LARGE1: variants seen among roughly 807,000 people sequenced by gnomAD.
LARGE1 encodes the protein LARGE xylosyl- and glucuronyltransferase 1.
A neutral mutation model predicts 87.6 loss-of-function variants in LARGE1; 43 were observed. The ratio of observed to expected loss-of-function variants is 0.49; its 90% confidence interval spans 0.38 to 0.63. The LOEUF is 0.63. Among genes scored for constraint, LARGE1 ranks in the 30% least tolerant of loss-of-function variants. The pLI, the probability that LARGE1 is intolerant of heterozygous loss-of-function variation, is 0.00. For synonymous variants in LARGE1, 434 were observed against 394.6 expected (o/e 1.10, Z -1.18); for missense variants, 802 against 1,000.2 (o/e 0.80, Z 2.67).
intron 7 of LARGE1, among the ~76,000 whole-genome samples, chr22:33,385,656 ACTAT>A (rs1483422797): frequency 1.4e-5 from 2 of 148,092 alleles, no homozygotes; most frequent in Non-Finnish European, 3.0e-5. Flanking sequence ...CTGAGAAGCA[ACTAT>A]CTACCATCAG....
chr22:33,304,285 G>A lies in LARGE1; in HGVS notation c.1674C>T (p.Tyr558=). Residue 558 remains tyrosine (Y), a synonymous_variant, in exon 12 of 15, where the codon TAC becomes TAT. Coordinates refer to ENST00000397394, the MANE Select transcript of LARGE1 (RefSeq NM_133642.5). ...GGAAGTCAATGTCAGACAGGAACATGTAGGGAGTGCTGATGTGCTTCATGG... is the reference window on the plus strand; with the variant it reads ...GGAAGTCAATGTCAGACAGGAACATATAGGGAGTGCTGATGTGCTTCATGG... The part of the protein sequence containing the change: ...NVAMKHISTP[Y]MFLSDIDFLP... 1 of 1,614,266 alleles carries A rather than the reference G, an allele frequency of 6.2e-7. No individual in the cohort carries two copies. The highest frequency in any genetic ancestry group is 8.5e-7 in the Non-Finnish European group (1 of 1,180,044).
the LARGE1 span, among the ~76,000 whole-genome samples, chr22:33,128,132 T>C: frequency 1.3e-5 from 2 of 152,208 alleles, no homozygotes; most frequent in African/African-American, 4.8e-5. Context: ...TTGATGAGGC[T>C]GCAGAGAAAT....
At chr22:33,710,786 A>T (rs1446573282) in intron 2 of LARGE1, among the ~76,000 whole-genome samples, 1 of 152,198 alleles carries the variant, frequency 6.6e-6, no homozygotes, top group African/African-American at 2.4e-5. Flanking sequence ...CACATTAGAG[A>T]AGGAAATGGC....
At position 33,565,581 on chromosome 22, in the gene LARGE1, C is replaced by T. The variant is rs546697551; in HGVS notation, c.616-562G>A. On this transcript the variant is annotated intron_variant, in intron 5 of 14. Coordinates refer to ENST00000397394, the MANE Select transcript of LARGE1 (RefSeq NM_133642.5). ...GATAAATAAGAGGACCTAGTCATCA[C>T]GCGACACTCTTCACCTGACAGCAAT... Among the ~76,000 whole-genome samples, 17 of 152,226 alleles carry T rather than the reference C, an allele frequency of 1.1e-4. No individual in the cohort carries two copies. The South Asian group carries it at 3.4e-3, about 30-fold the overall frequency.
intron 2 of LARGE1, among the ~76,000 whole-genome samples, chr22:33,741,585 C>T (rs995697181): frequency 6.6e-6 from 1 of 152,214 alleles, no homozygotes; most frequent in Non-Finnish European, 1.5e-5. Flanking sequence ...CACCCAACAC[C>T]GCTGGGCTTG....
intron 9 of LARGE1, among the ~76,000 whole-genome samples, chr22:33,352,097 G>A (rs1048885022): frequency 7.2e-5 from 11 of 152,134 alleles, no homozygotes; most frequent in African/African-American, 1.9e-4. Context: ...ACATAAGAAT[G>A]GCTAACATCC....
intron 3 of LARGE1, among the ~76,000 whole-genome samples, chr22:33,648,193 C>T (rs971873696): frequency 6.6e-6 from 1 of 152,166 alleles, no homozygotes; most frequent in Non-Finnish European, 1.5e-5. Flanking sequence ...CTTCAAAAGC[C>T]AATGGTCTTT....
chr22:33,867,787 T>C (rs2064151661), intron 1 of LARGE1, among the ~76,000 whole-genome samples: 1 of 152,120 alleles, frequency 6.6e-6, no homozygotes, highest in Admixed American at 6.5e-5. Context: ...ACAACGTTGT[T>C]AGTAGGATTA....
chr22:33,101,781 AG>A, the LARGE1 span, among the ~76,000 whole-genome samples: 2,617 of 152,310 alleles, frequency 0.017, 33 homozygotes, highest in Middle Eastern at 0.071. Context: ...CATGTGCAAT[AG>A]GAAGATATGT....
At chr22:33,608,292 A>T (rs2079323450) in intron 4 of LARGE1, among the ~76,000 whole-genome samples, 1 of 152,204 alleles carries the variant, frequency 6.6e-6, no homozygotes, top group South Asian at 2.1e-4. Context: ...AATGCATCAT[A>T]CTTTCCATAT....
chr22:33,596,736 T>C (rs71313169), intron 5 of LARGE1, among the ~76,000 whole-genome samples: 11,323 of 152,242 alleles, frequency 0.074, 498 homozygotes, highest in African/African-American at 0.11. Flanking sequence ...CAGTCATCTT[T>C]AAATATATGA....
intron 2 of LARGE1, among the ~76,000 whole-genome samples, chr22:33,716,991 A>T (rs1019748906): frequency 2.0e-5 from 3 of 152,206 alleles, no homozygotes; most frequent in Non-Finnish European, 4.4e-5. Context: ...AAACCATTAA[A>T]CAACTTAATT....
the LARGE1 span, among the ~76,000 whole-genome samples, chr22:33,146,712 A>C: frequency 1.3e-5 from 2 of 152,028 alleles, no homozygotes; most frequent in African/African-American, 4.8e-5. Context: ...TTAGGACTAG[A>C]CTTTGGGGAA....
chr22:33,256,042 T>C (rs1259153576), intron 11 of LARGE1, among the ~76,000 whole-genome samples: 1 of 152,220 alleles, frequency 6.6e-6, no homozygotes, highest in Admixed American at 6.5e-5. Flanking sequence ...TGTCCCTTAT[T>C]GATCTAAATC....
chr22:33,454,429 C>T (rs2068051583), intron 6 of LARGE1, among the ~76,000 whole-genome samples: 1 of 151,622 alleles, frequency 6.6e-6, no homozygotes, highest in Non-Finnish European at 1.5e-5. Context: ...ACTAGCCTGG[C>T]CAACATGGTG....
At chr22:33,659,337 T>C (rs1469543946) in intron 2 of LARGE1, among the ~76,000 whole-genome samples, 2 of 152,228 alleles carry the variant, frequency 1.3e-5, no homozygotes, top group Non-Finnish European at 2.9e-5. Flanking sequence ...TCATTTGATA[T>C]TTCAAAGTAA....
intron 5 of LARGE1, among the ~76,000 whole-genome samples, chr22:33,569,345 T>C (rs759549875): frequency 1.3e-5 from 2 of 152,222 alleles, no homozygotes; most frequent in African/African-American, 4.8e-5. Flanking sequence ...TTAACACACA[T>C]GTGAGGCACT....
chr22:33,881,739 G>A lies in LARGE1; in HGVS notation c.-83+38256C>T, dbSNP rs150729442. 3.7e-3 allele frequency among the ~76,000 whole-genome samples: 566 copies of A among 152,260 alleles called. 7 individuals carry two copies. The highest frequency in any genetic ancestry group is 0.013 in the African/African-American group (555 of 41,554). ...ACAGAGTATATTTCACTCATGTTAAGCCTTGCGGTTTCAGGAAACAAGTTA... is the reference window on the plus strand; with the variant it reads ...ACAGAGTATATTTCACTCATGTTAAACCTTGCGGTTTCAGGAAACAAGTTA... On this transcript the variant is annotated intron_variant, in intron 1 of 14. Transcript: ENST00000397394.
chr22:33,910,596 G>A (rs1344258000), intron 1 of LARGE1, among the ~76,000 whole-genome samples: 1 of 152,106 alleles, frequency 6.6e-6, no homozygotes, highest in East Asian at 1.9e-4. Context: ...AATGGACGAT[G>A]AGTAACTCTG....
Sources: allele counts gnomAD v4.1 joint callset (sites outside exome capture counted in the v4.1 genomes callset), GRCh38; gene constraint gnomAD v4.1.1; transcripts MANE v1.5; gene names NCBI Gene and HGNC (gene_info 2026-07-23, HGNC 2026-07-21).